PCM1: variants seen among roughly 807,000 people sequenced by gnomAD.
PCM1 encodes the protein pericentriolar material 1.
In PCM1, 157 loss-of-function variants were observed where a neutral mutation model predicts 241.9. The ratio of observed to expected loss-of-function variants is 0.65; its 90% confidence interval spans 0.57 to 0.74. The LOEUF (loss-of-function observed/expected upper bound fraction) is 0.74. Among genes scored for constraint, PCM1 ranks in the 30% least tolerant of loss-of-function variants. The pLI is 0.00. For synonymous variants in PCM1, 1,085 were observed against 784.9 expected (o/e 1.38, Z -6.39); for missense variants, 3,478 against 2,360.1 (o/e 1.47, Z -9.81).
intron 36 of PCM1, among the ~76,000 whole-genome samples, chr8:18,017,881 C>G (rs2093373871): frequency 6.6e-6 from 1 of 152,028 alleles, no homozygotes; most frequent in African/African-American, 2.4e-5. Context: ...AAGGGTTTGA[C>G]TCTGAAGACA....
At chr8:17,927,594 C>A (rs1024603471) in intron 2 of PCM1, 1 of 151,904 alleles carries the variant, frequency 6.6e-6, no homozygotes, top group African/African-American at 2.4e-5. Context: ...GCTCTGGCAC[C>A]CACTGGAGTG....
intron 23 of PCM1, among the ~76,000 whole-genome samples, chr8:17,978,956 C>T (rs2079718483): frequency 6.6e-6 from 1 of 152,008 alleles, no homozygotes; most frequent in Non-Finnish European, 1.5e-5. Context: ...AAGCTATTCT[C>T]ATGAGAATTT....
rs746270641 is a variant in PCM1, at chr8:17,950,649, C to A, written c.996C>A (p.Val332=). 6.2e-7 allele frequency: 1 copy of A among 1,605,138 alleles called. No homozygotes were observed. The highest frequency in any genetic ancestry group is 8.5e-7 in the Non-Finnish European group (1 of 1,174,614). The change falls in exon 8 of 39, where the codon GTC becomes GTA. Residue 332 remains valine (V), a synonymous_variant. Coordinates refer to ENST00000325083, the MANE Select transcript of PCM1 (RefSeq NM_006197.4). The part of the protein sequence containing the change: ...VAETAGSLSG[V]SITSELNEEL... Reference sequence around the variant, plus strand: ...AAACTGCAGGTAGCTTATCTGGCGTCAGTATCACATCTGAACTAAATGAAG... The same window carrying A: ...AAACTGCAGGTAGCTTATCTGGCGTAAGTATCACATCTGAACTAAATGAAG...
chr8:17,931,572 C>G (rs549879759), intron 2 of PCM1, among the ~76,000 whole-genome samples: 3 of 152,116 alleles, frequency 2.0e-5, no homozygotes, highest in Admixed American at 6.6e-5. Flanking sequence ...ATTTATCTTA[C>G]TTTACTATTA....
intron 36 of PCM1, chr8:18,024,852 T>C (rs7017180): frequency 0.081 from 12,288 of 152,284 alleles, 1,148 homozygotes; most frequent in African/African-American, 0.23. Flanking sequence ...AGAATTATGA[T>C]ACTATTAAAA....
intron 26 of PCM1, among the ~76,000 whole-genome samples, chr8:17,988,521 A>G (rs1406249409): frequency 6.6e-6 from 1 of 151,888 alleles, no homozygotes; most frequent in Admixed American, 6.6e-5. Flanking sequence ...AGAAAGCACT[A>G]ACTATAAAAG....
chr8:18,018,927 A>T (rs962203797), intron 36 of PCM1, among the ~76,000 whole-genome samples: 1 of 108,774 alleles, frequency 9.2e-6, no homozygotes, highest in Admixed American at 8.6e-5. Context: ...TATAACATAT[A>T]ATATATAACA....
At chr8:17,924,168 T>C (rs1208123592) in intron 1 of PCM1, among the ~76,000 whole-genome samples, 1 of 152,066 alleles carries the variant, frequency 6.6e-6, no homozygotes, top group Non-Finnish European at 1.5e-5. Context: ...GGAGTGGGTG[T>C]TGCAGAGCCT....
intron 23 of PCM1, among the ~76,000 whole-genome samples, chr8:17,975,364 C>T (rs1338322063): frequency 2.6e-5 from 4 of 151,992 alleles, no homozygotes; most frequent in Non-Finnish European, 5.9e-5. Flanking sequence ...GGTTTCTCCA[C>T]GTTGGTCAGG....
chr8:17,968,730 ATGTGTGTGTGTGTGTGTG>A (rs551909289), intron 21 of PCM1, among the ~76,000 whole-genome samples: 3 of 134,672 alleles, frequency 2.2e-5, no homozygotes, highest in African/African-American at 8.8e-5. Context: ...GGATGTATAT[ATGTGTGTGTGTGTGTGTG>A]TGTGTGTGTG....
At chr8:17,933,863 G>A (rs1302016815) in intron 2 of PCM1, among the ~76,000 whole-genome samples, 5 of 151,708 alleles carry the variant, frequency 3.3e-5, no homozygotes, top group Admixed American at 1.3e-4. Context: ...GGTCTTTATT[G>A]GAGATGTCCT....
intron 29 of PCM1, 60 bp downstream of exon 29, chr8:17,993,679 A>C (rs1379691346): frequency 7.1e-7 from 1 of 1,410,508 alleles, no homozygotes. Context: ...TAATTCATAC[A>C]GAAGACCTTA....
intron 7 of PCM1, among the ~76,000 whole-genome samples, chr8:17,947,998 C>G (rs1248606499): frequency 1.3e-5 from 2 of 152,174 alleles, no homozygotes; most frequent in African/African-American, 4.8e-5. Context: ...TCATCACCTT[C>G]AAACTTATTT....
intron 9 of PCM1, 108 bp downstream of exon 9, chr8:17,953,294 T>G: frequency 1.8e-6 from 1 of 548,498 alleles, no homozygotes; most frequent in Non-Finnish European, 3.0e-6. Flanking sequence ...CTCAAAAATA[T>G]TTGTAGGGAC....
At chr8:17,944,724 A>G (rs1207151066) in intron 6 of PCM1, among the ~76,000 whole-genome samples, 2 of 152,008 alleles carry the variant, frequency 1.3e-5, no homozygotes, top group African/African-American at 4.8e-5. Context: ...CCTTCTGTAT[A>G]TTTCATCATA....
At chr8:18,027,046 C>T (rs1420642754) in intron 38 of PCM1, among the ~76,000 whole-genome samples, 1 of 152,184 alleles carries the variant, frequency 6.6e-6, no homozygotes, top group South Asian at 2.1e-4. Context: ...GCATCAGGAT[C>T]AAAGGGTTTT....
intron 36 of PCM1, among the ~76,000 whole-genome samples, chr8:18,020,439 CCTT>C (rs1383286183): frequency 6.6e-6 from 1 of 152,142 alleles, no homozygotes; most frequent in East Asian, 1.9e-4. Flanking sequence ...TTTATGATAT[CCTT>C]CTCCTGTCAC....
chr8:17,991,003 C>T (rs903156234), intron 27 of PCM1, among the ~76,000 whole-genome samples: 4 of 151,956 alleles, frequency 2.6e-5, no homozygotes, highest in Non-Finnish European at 5.9e-5. Context: ...TTCTGAGTTG[C>T]CAGAATACTT....
rs1238672526 is a variant in PCM1 at position 18,028,239 on chromosome 8, A to G, written c.*577A>G. 2 of 188,318 alleles carry G rather than the reference A, an allele frequency of 1.1e-5. No individual in the cohort carries two copies. Among genetic ancestry groups the G allele is most frequent in the East Asian group, 8.6e-5 (1 of 11,670 alleles). 11.7% of individuals were successfully genotyped at this position (188,318 alleles called of 1,614,324 possible). A position where few individuals can be genotyped will look rare whatever the true frequency, so the allele number is the denominator to read the frequency against. ...TATCCAGGATACCTATGAAGTTATT[A>G]TAGAATATTTATTAATCCATTGAAA... On this transcript the variant is annotated 3_prime_UTR_variant, in exon 39 of 39. Coordinates refer to ENST00000325083, the MANE Select transcript of PCM1 (RefSeq NM_006197.4).
Sources: allele counts gnomAD v4.1 joint callset (sites outside exome capture counted in the v4.1 genomes callset), GRCh38; gene constraint gnomAD v4.1.1; transcripts MANE v1.5; gene names NCBI Gene and HGNC (gene_info 2026-07-23, HGNC 2026-07-21).